Variants in RABGEF1 observed in about 807,000 individuals in gnomAD.
The protein encoded by RABGEF1 is RAB guanine nucleotide exchange factor 1, also known as rab5 GDP/GTP exchange factor.
In RABGEF1, 26 loss-of-function variants were observed where a neutral mutation model predicts 57.3. The observed-to-expected ratio is 0.45, with a 90% CI of 0.33 to 0.63. RABGEF1 has a LOEUF of 0.63. Ranked by LOEUF, RABGEF1 falls within the 20% of genes least tolerant of loss-of-function variation. The pLI is 0.02. For synonymous variants in RABGEF1, 185 were observed against 210.7 expected (o/e 0.88, Z 1.06); for missense variants, 464 against 607.6 (o/e 0.76, Z 2.48).
At chr7:66,706,048 G>A (rs574406945) in intron 1 of RABGEF1, among the ~76,000 whole-genome samples, 29 of 150,686 alleles carry the variant, frequency 1.9e-4, no homozygotes, top group African/African-American at 6.1e-4. Flanking sequence ...GACTACAGGC[G>A]CCCGCCACCG....
intron 3 of RABGEF1, among the ~76,000 whole-genome samples, chr7:66,779,822 C>T (rs936709718): frequency 1.3e-5 from 2 of 152,100 alleles, no homozygotes; most frequent in African/African-American, 2.4e-5. Context: ...TTTCATCTTA[C>T]ACACGGAATC....
chr7:66,780,067 T>C (rs1389454126), intron 3 of RABGEF1, among the ~76,000 whole-genome samples: 1 of 152,116 alleles, frequency 6.6e-6, no homozygotes, highest in East Asian at 1.9e-4. Context: ...AAAGCAAAAG[T>C]GTGTCTTTGG....
At chr7:66,721,141 A>G (rs1342836843) in intron 2 of RABGEF1, among the ~76,000 whole-genome samples, 1 of 151,936 alleles carries the variant, frequency 6.6e-6, no homozygotes, top group Admixed American at 6.6e-5. Context: ...CTGCTCTCGA[A>G]CTCCCGAGCT....
chr7:66,746,021 C>G (rs754744827), intron 1 of RABGEF1, among the ~76,000 whole-genome samples: 26 of 152,178 alleles, frequency 1.7e-4, no homozygotes, highest in Non-Finnish European at 2.8e-4. Flanking sequence ...ATGTACACTT[C>G]TTTCATAGAG....
chr7:66,698,099 G>A (rs73135953), intron 1 of RABGEF1, among the ~76,000 whole-genome samples: 19,253 of 122,278 alleles, frequency 0.16, 1,662 homozygotes, highest in South Asian at 0.23. Context: ...TCACAGCCAC[G>A]CACCCCCCCC....
At chr7:66,704,991 A>T (rs975398859) in intron 1 of RABGEF1, among the ~76,000 whole-genome samples, 3 of 152,152 alleles carry the variant, frequency 2.0e-5, no homozygotes. Context: ...ATAGATGAGG[A>T]TTCTTGTACA....
chr7:66,721,816 ATTTAGGTGG>A (rs1291149429), intron 2 of RABGEF1, among the ~76,000 whole-genome samples: 1 of 152,028 alleles, frequency 6.6e-6, no homozygotes, highest in Non-Finnish European at 1.5e-5. Context: ...CAAAACACAA[ATTTAGGTGG>A]TTTGTCTTTT....
At chr7:66,786,172 G>A (rs1811145504) in intron 4 of RABGEF1, among the ~76,000 whole-genome samples, 1 of 152,152 alleles carries the variant, frequency 6.6e-6, no homozygotes, top group South Asian at 2.1e-4. Context: ...GTATATGCCG[G>A]TGGTGAGCAG....
At chr7:66,738,175 C>G (rs534916553), upstream of RABGEF1, among the ~76,000 whole-genome samples, 1 of 151,994 alleles carries the variant, frequency 6.6e-6, no homozygotes, top group Non-Finnish European at 1.5e-5. Flanking sequence ...TACAGGCCAC[C>G]ACCTGGCTAA....
intron 1 of RABGEF1, among the ~76,000 whole-genome samples, chr7:66,744,667 CAAAAAAAAAAA>C (rs774941950): frequency 1.4e-5 from 1 of 71,056 alleles, no homozygotes; most frequent in African/African-American, 6.2e-5. Flanking sequence ...GACTCCGTCT[CAAAAAAAAAAA>C]AAAAAAAAAG....
intron 4 of RABGEF1, among the ~76,000 whole-genome samples, chr7:66,790,505 G>T (rs1270497567): frequency 6.6e-6 from 1 of 152,214 alleles, no homozygotes; most frequent in Admixed American, 6.5e-5. Flanking sequence ...TTAGGGGAAA[G>T]AGCTGAGCCC....
At chr7:66,723,570 T>TTTTTTG in intron 2 of RABGEF1, among the ~76,000 whole-genome samples, 1 of 152,300 alleles carries the variant, frequency 6.6e-6, no homozygotes, top group Non-Finnish European at 1.5e-5. Context: ...AATTACTGTT[T>TTTTTTG]TTTTTGTTTT....
intron 2 of RABGEF1, among the ~76,000 whole-genome samples, chr7:66,734,597 AT>A (rs550927387): frequency 0.11 from 12,785 of 119,668 alleles, 570 homozygotes; most frequent in Non-Finnish European, 0.12. Context: ...TGCCTGGCTA[AT>A]TTTTTTTTTT....
intron 2 of RABGEF1, among the ~76,000 whole-genome samples, chr7:66,712,943 T>C (rs1445488724): frequency 6.6e-6 from 1 of 151,698 alleles, no homozygotes; most frequent in Non-Finnish European, 1.5e-5. Context: ...GCCTCCCAAA[T>C]AGCTGGGACT....
At chr7:66,659,640 T>C in the RABGEF1 span, among the ~76,000 whole-genome samples, 41 of 151,562 alleles carry the variant, frequency 2.7e-4, no homozygotes, top group East Asian at 5.1e-3. Flanking sequence ...ATCAGCTGGT[T>C]GTGGTGTTAC....
intron 1 of RABGEF1, among the ~76,000 whole-genome samples, chr7:66,767,047 G>A (rs1431162937): frequency 1.4e-5 from 2 of 146,380 alleles, no homozygotes; most frequent in African/African-American, 2.6e-5. Flanking sequence ...CTGTTGCCCA[G>A]GCTGGAGTGC....
intron 1 of RABGEF1, among the ~76,000 whole-genome samples, chr7:66,771,256 A>AGCCTC (rs903021287): frequency 3.3e-5 from 5 of 152,252 alleles, no homozygotes; most frequent in African/African-American, 1.2e-4. Flanking sequence ...CTCCTGCCTC[A>AGCCTC]GCCTCCTGAA....
intron 1 of RABGEF1, among the ~76,000 whole-genome samples, chr7:66,762,646 G>A (rs1427874729): frequency 6.6e-6 from 1 of 152,134 alleles, no homozygotes; most frequent in Non-Finnish European, 1.5e-5. Flanking sequence ...TGGGCATGGT[G>A]GCTCACATCT....
chr7:66,680,572 CT>C (rs1789636803), upstream of RABGEF1, among the ~76,000 whole-genome samples: 6 of 151,930 alleles, frequency 3.9e-5, no homozygotes, highest in South Asian at 1.3e-3. Flanking sequence ...CTGTTGTACC[CT>C]CAGCCTAGCA....
Sources: allele counts gnomAD v4.1 joint callset (sites outside exome capture counted in the v4.1 genomes callset), GRCh38; gene constraint gnomAD v4.1.1; transcripts MANE v1.5; gene names NCBI Gene and HGNC (gene_info 2026-07-23, HGNC 2026-07-21).